The following ASB15 variants were observed in gnomAD, a reference collection of about 807,000 sequenced individuals.
The protein encoded by ASB15 is ankyrin repeat and SOCS box protein 15.
ASB15 carries 54 observed loss-of-function variants against 58.0 expected under a neutral mutation model. That is an observed-to-expected ratio of 0.93 (90% CI 0.75 to 1.17). The LOEUF (loss-of-function observed/expected upper bound fraction) is 1.17. Ranked by LOEUF, ASB15 falls within the 50% of genes most tolerant of loss-of-function variation. The pLI, the probability that ASB15 is intolerant of heterozygous loss-of-function variation, is 0.00. For missense variants in ASB15, 680 were observed against 707.4 expected (o/e 0.96, Z 0.44); for synonymous variants, 249 against 262.4 (o/e 0.95, Z 0.50).
chr7:123,624,597 G>T lies in ASB15; in HGVS notation c.480G>T (p.Val160=), dbSNP rs1289007495. 6.2e-7 allele frequency: 1 copy of T among 1,613,416 alleles called. No individual in the cohort carries two copies. Among genetic ancestry groups the T allele is most frequent in the Non-Finnish European group, 8.5e-7 (1 of 1,179,368 alleles). Residue 160 remains valine, a synonymous_variant, in exon 8 of 12, where the codon GTG becomes GTT. Coordinates refer to ENST00000451215, the MANE Select transcript of ASB15 (RefSeq NM_001290258.2). Reference sequence around the variant, plus strand: ...TGAAAAAGGGCTCCTATGACATGGTGTCGACTCTGATCAAACATAACACTA... The same window carrying T: ...TGAAAAAGGGCTCCTATGACATGGTTTCGACTCTGATCAAACATAACACTA... ...IAVKKGSYDM[V]STLIKHNTSL...
intron 1 of ASB15, among the ~76,000 whole-genome samples, chr7:123,576,656 T>C (rs1249926402): frequency 2.0e-5 from 3 of 152,126 alleles, no homozygotes; most frequent in Non-Finnish European, 4.4e-5. Context: ...CAAGAAGACT[T>C]GTACCACCAC....
At chr7:123,603,473 A>C (rs1799985380) in intron 1 of ASB15, among the ~76,000 whole-genome samples, 1 of 150,894 alleles carries the variant, frequency 6.6e-6, no homozygotes, top group Admixed American at 6.6e-5. Flanking sequence ...ATCAAAAAGG[A>C]GACATTAATA....
At chr7:123,612,266 T>C (rs900435439) in intron 3 of ASB15, 2 of 152,130 alleles carry the variant, frequency 1.3e-5, no homozygotes, top group African/African-American at 4.8e-5. Context: ...GTCAACAACT[T>C]TTATTCCAGG....
At chr7:123,571,897 T>G (rs1452305158) in intron 1 of ASB15, among the ~76,000 whole-genome samples, 1 of 152,078 alleles carries the variant, frequency 6.6e-6, no homozygotes, top group Non-Finnish European at 1.5e-5. Flanking sequence ...CCTGAGTAGC[T>G]GAGACCACAC....
Position 123,614,513 on chromosome 7 carries a change from A to G in ASB15, c.11A>G (p.Asn4Ser). Residue 4 changes from asparagine (N) to serine (S), a missense_variant, in exon 4 of 12, where the codon AAT (asparagine) becomes AGT (serine). Coordinates refer to ENST00000451215, the MANE Select transcript of ASB15 (RefSeq NM_001290258.2). ...AAATTATATGCAGGAATGGATACTAATGATGACCCTGATGAAGACCATCTT... is the reference window on the plus strand; with the variant it reads ...AAATTATATGCAGGAATGGATACTAGTGATGACCCTGATGAAGACCATCTT... MDT[N>S]DDPDEDHLTS... The G allele has an allele frequency of 6.3e-7, 1 of 1,597,210 alleles. No homozygotes were observed. Among genetic ancestry groups the G allele is most frequent in the Non-Finnish European group, 8.6e-7 (1 of 1,165,458 alleles).
intron 11 of ASB15, among the ~76,000 whole-genome samples, chr7:123,632,386 T>C (rs1049785800): frequency 1.3e-5 from 2 of 151,968 alleles, no homozygotes; most frequent in African/African-American, 2.4e-5. Context: ...AAAGAGGATA[T>C]GGAAGAAAAA....
rs1184269945 is a variant in ASB15 at position 123,617,744 on chromosome 7, G to T, written c.451+7G>T. 1 of 1,598,896 alleles carries T rather than the reference G, an allele frequency of 6.3e-7. No individual in the cohort carries two copies. The highest frequency in any genetic ancestry group is 1.1e-5 in the South Asian group (1 of 89,678). On this transcript the variant is annotated splice_region_variant and intron_variant, in intron 7 of 11. Coordinates refer to ENST00000451215, the MANE Select transcript of ASB15 (RefSeq NM_001290258.2). The stretch of plus-strand genomic sequence containing the variant: ...GAGACCCCCCTTCTGATTGGTAAAT[G>T]ACCTTTTTTTCTAGAACTTTTATAG...
chr7:123,624,957 C>G (rs1801677185), intron 8 of ASB15, 143 bp downstream of exon 8: 1 of 1,004,508 alleles, frequency 1.0e-6, no homozygotes, highest in Non-Finnish European at 1.4e-6. Flanking sequence ...CAGGTTTTCC[C>G]ACCTGGTCCC....
chr7:123,623,587 C>T (rs903505353), intron 7 of ASB15, among the ~76,000 whole-genome samples: 2 of 151,890 alleles, frequency 1.3e-5, no homozygotes, highest in Non-Finnish European at 2.9e-5. Flanking sequence ...GAAAGAGGGC[C>T]GGGCGTGGTA....
In ASB15 at chr7:123,618,900, G is replaced by A. The variant is rs549120844; in HGVS notation, c.451+1163G>A. ...CGTATTAAGAAGTCACATTGGCCAG[G>A]CGCGGTGGCTCATGCCTGTAATCCC... On this transcript the variant is annotated intron_variant, in intron 7 of 11. Coordinates refer to ENST00000451215, the MANE Select transcript of ASB15 (RefSeq NM_001290258.2). Among the ~76,000 whole-genome samples the A allele has an allele frequency of 3.9e-5, 6 of 152,188 alleles. No homozygotes were observed. The South Asian group carries it at 8.3e-4, about 21-fold the overall frequency.
chr7:123,579,386 A>T (rs805784), intron 1 of ASB15, among the ~76,000 whole-genome samples: 35,000 of 152,016 alleles, frequency 0.23, 4,164 homozygotes, highest in East Asian at 0.4. Flanking sequence ...CTATTGTTAA[A>T]TTTGTTTTGC....
intron 3 of ASB15, among the ~76,000 whole-genome samples, chr7:123,613,180 G>C (rs1800571918): frequency 6.6e-6 from 1 of 152,146 alleles, no homozygotes. Flanking sequence ...CCACAGGTTA[G>C]AGACCTTGGA....
chr7:123,584,251 G>A (rs1201879403), intron 1 of ASB15, among the ~76,000 whole-genome samples: 2 of 146,076 alleles, frequency 1.4e-5, no homozygotes, highest in Non-Finnish European at 3.0e-5. Context: ...AATCAAGGCT[G>A]CAGTGAGCTA....
In ASB15 at chr7:123,629,387, G is replaced by T. The variant is rs370567182; in HGVS notation, c.1393G>T (p.Glu465Ter). ...TTCATTTGTGTGGTCAGAGATACAG[G>T]AAGAGGTGCTGCCAGGATGGACATC... ...GNSFVWSEIQ[E>*]EVLPGWTSCV... The change falls in exon 10 of 12, where the codon GAA (glutamate) becomes TAA (stop). Residue 465 changes from glutamate (E) to a stop codon, truncating the protein, a stop_gained. Transcript: ENST00000451215. LOFTEE classifies it high-confidence loss of function. 3 of 1,613,626 alleles carry T rather than the reference G, an allele frequency of 1.9e-6. No individual in the cohort carries two copies. The highest frequency in any genetic ancestry group is 2.5e-6 in the Non-Finnish European group (3 of 1,179,980).
upstream of ASB15, among the ~76,000 whole-genome samples, chr7:123,600,418 G>C (rs1000181955): frequency 2.6e-5 from 4 of 152,160 alleles, no homozygotes; most frequent in African/African-American, 9.7e-5. Flanking sequence ...AATGTGTCAA[G>C]CCACACTTTA....
At chr7:123,613,488 A>G (rs1800591997) in intron 3 of ASB15, among the ~76,000 whole-genome samples, 1 of 152,230 alleles carries the variant, frequency 6.6e-6, no homozygotes, top group African/African-American at 2.4e-5. Flanking sequence ...TAAAGAGTAA[A>G]ATAGTAAATT....
At chr7:123,616,081 GATAAA>G (rs1266447404) in intron 4 of ASB15, 135 bp from the exon 5 acceptor site, 2 of 693,346 alleles carry the variant, frequency 2.9e-6, no homozygotes, top group African/African-American at 3.6e-5. Flanking sequence ...TTTTTAAGGA[GATAAA>G]ATCAATTATA....
At chr7:123,596,234 G>A (rs1799688471) in intron 1 of ASB15, 1 of 152,074 alleles carries the variant, frequency 6.6e-6, no homozygotes, top group Admixed American at 6.5e-5. Context: ...TACACAAAGT[G>A]GTGGCTCCAA....
In ASB15 at chr7:123,592,906, A is replaced by AG. The variant is rs200041499; in HGVS notation, c.-442-11125dup. ...TCCATTATTATTGTGTGGGAGTCTA[A>AG]GTCTCTTTGTAGTTCTCTAAGGACT... On this transcript the variant is annotated intron_variant, in intron 1 of 13. Coordinates refer to the ASB15 transcript ENST00000451558. 7.0e-3 allele frequency among the ~76,000 whole-genome samples: 1,062 copies of AG among 151,812 alleles called. 14 individuals carry two copies. Among genetic ancestry groups the AG allele is most frequent in the African/African-American group, 0.025 (1,019 of 41,356 alleles).
Sources: gnomAD v4.1 joint callset for allele counts (sites outside exome capture counted in the v4.1 genomes callset) on GRCh38, gnomAD v4.1.1 for gene constraint, MANE v1.5 for transcripts, NCBI Gene and HGNC (gene_info 2026-07-23, HGNC 2026-07-21) for gene names.